Variants in PRKCB observed in about 807,000 individuals in gnomAD.
PRKCB encodes protein kinase C beta, also known as protein kinase C beta type.
PRKCB carries 13 observed loss-of-function variants against 81.5 expected under a neutral mutation model. The observed-to-expected ratio is 0.16, with a 90% CI of 0.10 to 0.25. The LOEUF (loss-of-function observed/expected upper bound fraction) is 0.25, where lower values mean the gene tolerates loss of function less well. PRKCB is among the 10% of genes least tolerant of loss of function. PRKCB has a pLI of 1.00. For missense variants in PRKCB, 509 were observed against 875.7 expected (o/e 0.58, Z 5.29); for synonymous variants, 335 against 321.4 (o/e 1.04, Z -0.45).
At chr16:24,033,205 A>G (rs1028342360) in intron 4 of PRKCB, among the ~76,000 whole-genome samples, 2 of 152,148 alleles carry the variant, frequency 1.3e-5, no homozygotes, top group African/African-American at 4.8e-5. Context: ...GGCTAGTGGT[A>G]CTGCTCTCCC....
chr16:23,967,902 G>T (rs1450927738), intron 2 of PRKCB, among the ~76,000 whole-genome samples: 1 of 152,172 alleles, frequency 6.6e-6, no homozygotes. Context: ...AGGTCCACCT[G>T]CCGTGGCCTT....
intron 2 of PRKCB, among the ~76,000 whole-genome samples, chr16:23,888,155 C>G (rs1481571290): frequency 6.6e-6 from 1 of 152,210 alleles, no homozygotes. Flanking sequence ...CAGGCAATCC[C>G]TTTCTCCCTG....
At chr16:24,029,717 T>G (rs1271628919) in intron 3 of PRKCB, among the ~76,000 whole-genome samples, 1 of 152,216 alleles carries the variant, frequency 6.6e-6, no homozygotes, top group Non-Finnish European at 1.5e-5. Flanking sequence ...TTTGCTTACA[T>G]GTTCATTTTC....
intron 3 of PRKCB, among the ~76,000 whole-genome samples, chr16:24,018,570 C>T (rs1351008474): frequency 2.0e-5 from 3 of 152,220 alleles, no homozygotes; most frequent in African/African-American, 7.2e-5. Context: ...TAATTCACCC[C>T]TATATTGACA....
At chr16:24,030,769 A>G (rs1298549617) in intron 3 of PRKCB, among the ~76,000 whole-genome samples, 1 of 151,884 alleles carries the variant, frequency 6.6e-6, no homozygotes, top group African/African-American at 2.4e-5. Flanking sequence ...ACAGTGGCTC[A>G]TGCCTGTAGT....
chr16:23,864,629 T>A (rs1349057516), intron 2 of PRKCB, among the ~76,000 whole-genome samples: 1 of 152,216 alleles, frequency 6.6e-6, no homozygotes, highest in East Asian at 1.9e-4. Flanking sequence ...GGAGTTGCTG[T>A]GATCAAACAG....
intron 2 of PRKCB, among the ~76,000 whole-genome samples, chr16:23,861,427 A>G (rs982188879): frequency 2.8e-4 from 42 of 152,216 alleles, no homozygotes; most frequent in African/African-American, 9.9e-4. Context: ...TCCGCCTCCT[A>G]AAGTGCTGGG....
intron 12 of PRKCB, among the ~76,000 whole-genome samples, chr16:24,175,742 C>T (rs182351573): frequency 8.6e-4 from 131 of 151,780 alleles, no homozygotes; most frequent in Middle Eastern, 3.4e-3. Flanking sequence ...GAGGCTGAGG[C>T]AGGAGGGGTG....
intron 3 of PRKCB, among the ~76,000 whole-genome samples, chr16:24,030,204 G>A (rs1272304976): frequency 6.6e-6 from 1 of 152,198 alleles, no homozygotes; most frequent in Non-Finnish European, 1.5e-5. Flanking sequence ...GGTCTGCAAT[G>A]TATAACAGAG....
intron 3 of PRKCB, among the ~76,000 whole-genome samples, chr16:24,021,353 TCCTCCTTCCCTC>T (rs1301706286): frequency 3.6e-5 from 1 of 27,406 alleles, no homozygotes; most frequent in African/African-American, 2.0e-4. Context: ...CTTCCTTCCT[TCCTCCTTCCCTC>T]CCTCCCTCCC....
chr16:23,963,627 T>A (rs1268865936), intron 2 of PRKCB: 2 of 152,154 alleles, frequency 1.3e-5, no homozygotes, highest in African/African-American at 2.4e-5. Context: ...TTGGAGGTGA[T>A]CTTCTCTGAT....
At chr16:23,919,045 T>C (rs1436470197) in intron 2 of PRKCB, among the ~76,000 whole-genome samples, 5 of 152,252 alleles carry the variant, frequency 3.3e-5, no homozygotes, top group Admixed American at 6.5e-5. Flanking sequence ...ACAGTTTTCT[T>C]TATTAAACCT....
chr16:23,896,294 T>A (rs1342101068), intron 2 of PRKCB, among the ~76,000 whole-genome samples: 2 of 152,256 alleles, frequency 1.3e-5, no homozygotes, highest in Non-Finnish European at 2.9e-5. Flanking sequence ...ACTCACTTTT[T>A]ATGTTTTTTG....
intron 3 of PRKCB, among the ~76,000 whole-genome samples, chr16:24,025,284 A>G (rs184374886): frequency 6.6e-6 from 1 of 152,338 alleles, no homozygotes; most frequent in East Asian, 1.9e-4. Context: ...ACTGTGTGCA[A>G]TGCTGTGCTT....
intron 2 of PRKCB, among the ~76,000 whole-genome samples, chr16:23,942,839 G>A (rs930792823): frequency 1.3e-5 from 2 of 152,128 alleles, no homozygotes; most frequent in African/African-American, 4.8e-5. Flanking sequence ...CAGAGCCTGA[G>A]GTTTCTTAAC....
At chr16:24,094,726 A>G (rs1054621208) in intron 7 of PRKCB, among the ~76,000 whole-genome samples, 5 of 151,452 alleles carry the variant, frequency 3.3e-5, no homozygotes, top group Non-Finnish European at 7.4e-5. Flanking sequence ...AGGTGGTCAG[A>G]GATTGAGCCA....
intron 2 of PRKCB, among the ~76,000 whole-genome samples, chr16:23,842,217 G>C (rs762209648): frequency 1.6e-4 from 24 of 152,176 alleles, no homozygotes; most frequent in Non-Finnish European, 2.9e-4. Flanking sequence ...TACTCCCTGT[G>C]TGACCTTGGG....
chr16:24,153,776 C>T (rs1212757258), intron 9 of PRKCB, among the ~76,000 whole-genome samples: 1 of 152,178 alleles, frequency 6.6e-6, no homozygotes, highest in Non-Finnish European at 1.5e-5. Context: ...ACAGGAGAGG[C>T]TGTTAAAATA....
At chr16:24,113,106 CTCTT>C in intron 8 of PRKCB, 37 bp downstream of exon 8, 1 of 1,533,542 alleles carries the variant, frequency 6.5e-7, no homozygotes, top group Admixed American at 1.8e-5. Context: ...TTTCTTTTTT[CTCTT>C]TCTTTTTTCC....
Sources: gnomAD v4.1 joint callset for allele counts (sites outside exome capture counted in the v4.1 genomes callset) on GRCh38, gnomAD v4.1.1 for gene constraint, MANE v1.5 for transcripts, NCBI Gene and HGNC (gene_info 2026-07-23, HGNC 2026-07-21) for gene names.